Variants in OSCAR observed in about 807,000 individuals in gnomAD.
The protein encoded by OSCAR is osteoclast-associated immunoglobulin-like receptor.
A neutral mutation model predicts 27.3 loss-of-function variants in OSCAR; 25 were observed. That is an observed-to-expected ratio of 0.92 (90% CI 0.67 to 1.28). The LOEUF (loss-of-function observed/expected upper bound fraction) is 1.28. Ranked by LOEUF, OSCAR falls within the 50% of genes most tolerant of loss-of-function variation. The probability of loss-of-function intolerance (pLI) is 0.00; values close to 1 mark genes in which losing one functional copy is unlikely to be tolerated. For synonymous variants in OSCAR, 158 were observed against 165.7 expected (o/e 0.95, Z 0.36); for missense variants, 354 against 355.1 (o/e 1.00, Z 0.03).
chr19:54,098,727 T>C (rs191558600), intron 2 of OSCAR, among the ~76,000 whole-genome samples: 14 of 151,854 alleles, frequency 9.2e-5, no homozygotes, highest in Non-Finnish European at 1.3e-4. Flanking sequence ...GGCTCATGTT[T>C]GTAATCCCAA....
Position 54,097,584 on chromosome 19 carries a change from C to CTTTTTT in OSCAR, c.71-426_71-421dup, listed in dbSNP as rs33998262. Among the ~76,000 whole-genome samples, 45 of 37,450 alleles carry CTTTTTT rather than the reference C, an allele frequency of 1.2e-3. 4 individuals carry two copies. The highest frequency in any genetic ancestry group is 4.7e-3 in the African/African-American group (41 of 8,716). 24.6% of individuals were successfully genotyped at this position (37,450 alleles called of 152,430 possible). A position where few individuals can be genotyped will look rare whatever the true frequency, so the allele number is the denominator to read the frequency against. On this transcript the variant is annotated intron_variant, in intron 2 of 4. Transcript: ENST00000358375. Reference sequence around the variant, plus strand: ...ACAAGCTTGTGCCACCACACCCAGACTTTTTTTTTTTTTTTTTTTTTTTTT... The same window carrying CTTTTTT: ...ACAAGCTTGTGCCACCACACCCAGACTTTTTTTTTTTTTTTTTTTTTTTTTTTTTTT...
At chr19:54,099,432 G>T (rs1370828562) in intron 2 of OSCAR, among the ~76,000 whole-genome samples, 5 of 151,702 alleles carry the variant, frequency 3.3e-5, no homozygotes, top group African/African-American at 1.2e-4. Context: ...GTGATTTGAT[G>T]AGATCTCACA....
intron 2 of OSCAR, 38 bp from the exon 3 acceptor site, chr19:54,097,202 G>C (rs1228957913): frequency 6.4e-7 from 1 of 1,561,268 alleles, no homozygotes; most frequent in Non-Finnish European, 8.7e-7. Context: ...CGGGCCTCCT[G>C]GGAGCCCCAG....
rs1373221394 is a variant in OSCAR at position 54,095,347 on chromosome 19, G to A, written c.666C>T (p.Ser222=). Residue 222 remains serine, a synonymous_variant, in exon 5 of 5, where the codon TCC becomes TCT. Transcript: ENST00000358375. ...CTAGGTTCCCCCGGGTGTAGTCGGA[G>A]GAGCCAGAGTCTGCGGGCGGAGCCG... ...VLVISWEDSG[S]SDYTRGNLVR... The A allele has an allele frequency of 6.4e-7, 1 of 1,564,162 alleles. No individual in the cohort carries two copies. Among genetic ancestry groups the A allele is most frequent in the Non-Finnish European group, 8.7e-7 (1 of 1,154,688 alleles).
Position 54,099,492 on chromosome 19 carries a change from G to A in OSCAR, c.70+256C>T, listed in dbSNP as rs1479518273. 4 of 1,187,144 alleles carry A rather than the reference G, an allele frequency of 3.4e-6. No homozygotes were observed. In the East Asian group the frequency reaches 9.3e-5, roughly 28 times the overall value. 73.5% of individuals were successfully genotyped at this position (1,187,144 alleles called of 1,614,324 possible). A position where few individuals can be genotyped will look rare whatever the true frequency, so the allele number is the denominator to read the frequency against. On this transcript the variant is annotated intron_variant, in intron 2 of 4. Transcript: ENST00000358375. ...ATGGAGTCTTAGCAAGCTGTGACTT[G>A]TTCTAGGTCATATGGTCACATATAA...
chr19:54,099,560 C>G (rs1448966282), intron 2 of OSCAR, 188 bp downstream of exon 2: 1 of 1,563,126 alleles, frequency 6.4e-7, no homozygotes, highest in South Asian at 1.1e-5. Flanking sequence ...TAGGCCTCTG[C>G]CTCAGAAGTT....
chr19:54,097,645 A>G (rs993749965), intron 2 of OSCAR, among the ~76,000 whole-genome samples: 5 of 124,770 alleles, frequency 4.0e-5, no homozygotes, highest in African/African-American at 1.6e-4. Context: ...CTCAGGCAGG[A>G]GTGCAGTGGC....
chr19:54,099,003 A>T (rs1437121638), intron 2 of OSCAR, among the ~76,000 whole-genome samples: 2 of 151,896 alleles, frequency 1.3e-5, no homozygotes, highest in African/African-American at 2.4e-5. Context: ...ATAAATAAAT[A>T]AAATAAATAG....
At position 54,096,114 on chromosome 19, in the gene OSCAR, G is replaced by A; in HGVS notation, c.413C>T (p.Pro138Leu). 5 of 1,527,914 alleles carry A rather than the reference G, an allele frequency of 3.3e-6. No homozygotes were observed. The highest frequency in any genetic ancestry group is 4.4e-6 in the Non-Finnish European group (5 of 1,143,822). The allele number at this position is 1,527,914 out of a possible 1,614,324, so 94.6% of individuals were successfully genotyped here. A position where few individuals can be genotyped will look rare whatever the true frequency, so the allele number is the denominator to read the frequency against. Residue 138 changes from proline (P) to leucine (L), a missense_variant, in exon 4 of 5, where the codon CCG (proline) becomes CTG (leucine). Pro to Leu is a moderately conservative substitution (Grantham distance 98). Coordinates refer to ENST00000358375, the MANE Select transcript of OSCAR (RefSeq NM_133169.6). ...PRPSLVALPG[P>L]VVGPGANVSL... ...CACGTTGGCGCCAGGACCCACCACC[G>A]GCCCGGGCAGCGCCACCAGCGACGG...
At position 54,095,131 on chromosome 19, in the gene OSCAR, TG is replaced by T; in HGVS notation, c.*89del. On this transcript the variant is annotated 3_prime_UTR_variant, in exon 5 of 5. Transcript: ENST00000358375. ...TTCCGCGGAGCTCAGCCAGCAGGAC[TG>T]TGGGGCTGCAGGAAAGGACAGTCCA... is the stretch of plus-strand genomic sequence containing the variant. The T allele has an allele frequency of 6.6e-7, 1 of 1,511,080 alleles. No homozygotes were observed. The highest frequency in any genetic ancestry group is 8.9e-7 in the Non-Finnish European group (1 of 1,125,516). 93.6% of individuals were successfully genotyped at this position (1,511,080 alleles called of 1,614,324 possible). A position where few individuals can be genotyped will look rare whatever the true frequency, so the allele number is the denominator to read the frequency against.
chr19:54,096,782 C>T, intron 3 of OSCAR, 80 bp downstream of exon 3: 2 of 1,468,978 alleles, frequency 1.4e-6, no homozygotes, highest in Non-Finnish European at 1.8e-6. Context: ...CTCGCTCTGT[C>T]TCTCTTTCCC....
chr19:54,098,051 T>G (rs1245059986), intron 2 of OSCAR, among the ~76,000 whole-genome samples: 1 of 152,176 alleles, frequency 6.6e-6, no homozygotes, highest in Admixed American at 6.6e-5. Flanking sequence ...ACCCTGTGTT[T>G]CTTTTTTTTT....
intron 2 of OSCAR, 121 bp downstream of exon 2, chr19:54,099,627 G>C: frequency 7.4e-6 from 12 of 1,613,260 alleles, no homozygotes; most frequent in Non-Finnish European, 1.0e-5. Context: ...AAAGAAGGAA[G>C]GAATGGAGGG....
At chr19:54,099,700 A>G in intron 2 of OSCAR, 48 bp downstream of exon 2, 1 of 1,613,824 alleles carries the variant, frequency 6.2e-7, no homozygotes, top group South Asian at 1.1e-5. Flanking sequence ...GAGTAATTGG[A>G]AAAGGGGTGT....
rs777938520 is a variant in OSCAR at position 54,096,075 on chromosome 19, G to A, written c.452C>T (p.Ala151Val). 1.3e-6 allele frequency: 2 copies of A among 1,536,344 alleles called. No individual in the cohort carries two copies. Among genetic ancestry groups the A allele is most frequent in the East Asian group, 2.4e-5 (1 of 40,854 alleles). The stretch of plus-strand genomic sequence containing the variant: ...GAAGCTCATGTTCCGCAGGCGGCCC[G>A]CGCAGCGCAGGCTCACGTTGGCGCC... ...GPGANVSLRC[A>V]GRLRNMSFVL... Residue 151 changes from alanine to valine, a missense_variant, in exon 4 of 5, where the codon GCG becomes GTG. By Grantham distance (64) the Ala-to-Val change is moderately conservative (BLOSUM62 0). Coordinates refer to ENST00000358375, the MANE Select transcript of OSCAR (RefSeq NM_133169.6).
intron 2 of OSCAR, 153 bp from the exon 3 acceptor site, chr19:54,097,317 C>T: frequency 1.3e-6 from 1 of 791,086 alleles, no homozygotes; most frequent in Non-Finnish European, 2.0e-6. Context: ...GACTGGACTA[C>T]AATCAAGCCT....
Position 54,096,152 on chromosome 19 carries a change from C to T in OSCAR, c.375G>A (p.Glu125=). The stretch of plus-strand genomic sequence containing the variant: ...CCACCAGCGACGGCCGCGGCAGCTC[C>T]TCTGCAGAGACGGGGTGAGAGTCCG... The part of the protein sequence containing the change: ...PSDVLELLVT[E]ELPRPSLVAL... Residue 125 remains glutamate (E), a splice_region_variant and synonymous_variant, in exon 4 of 5, where the codon GAG becomes GAA. Coordinates refer to ENST00000358375, the MANE Select transcript of OSCAR (RefSeq NM_133169.6). 1 of 1,516,374 alleles carries T rather than the reference C, an allele frequency of 6.6e-7. No individual in the cohort carries two copies. Among genetic ancestry groups the T allele is most frequent in the Non-Finnish European group, 8.8e-7 (1 of 1,139,676 alleles). 93.9% of individuals were successfully genotyped at this position (1,516,374 alleles called of 1,614,324 possible).
intron 2 of OSCAR, among the ~76,000 whole-genome samples, chr19:54,098,386 A>T (rs1323730497): frequency 1.3e-5 from 2 of 150,692 alleles, no homozygotes; most frequent in Non-Finnish European, 3.0e-5. Context: ...CCAACATGGT[A>T]AAATCCCATC....
At chr19:54,097,980 A>T (rs1443858078) in intron 2 of OSCAR, among the ~76,000 whole-genome samples, 1 of 152,156 alleles carries the variant, frequency 6.6e-6, no homozygotes, top group East Asian at 1.9e-4. Flanking sequence ...TATTTGGAAA[A>T]GAAAAATGTT....
Sources: gnomAD v4.1 joint callset for allele counts (sites outside exome capture counted in the v4.1 genomes callset) on GRCh38, gnomAD v4.1.1 for gene constraint, MANE v1.5 for transcripts, NCBI Gene and HGNC (gene_info 2026-07-23, HGNC 2026-07-21) for gene names.